The following GABRG3 variants were observed in gnomAD, a reference collection of about 807,000 sequenced individuals.
GABRG3 encodes the protein gamma-aminobutyric acid type A receptor subunit gamma3, also known as gamma-aminobutyric acid receptor subunit gamma-3.
In GABRG3, 25 loss-of-function variants were observed where a neutral mutation model predicts 48.8. That is an observed-to-expected ratio of 0.51 (90% CI 0.37 to 0.72). The LOEUF (loss-of-function observed/expected upper bound fraction) is 0.72. GABRG3 is among the 30% of genes least tolerant of loss of function. The pLI is 0.00. For synonymous variants in GABRG3, 227 were observed against 217.6 expected (o/e 1.04, Z -0.38); for missense variants, 394 against 577.9 (o/e 0.68, Z 3.26).
At chr15:27,383,418 A>G (rs1895835284) in intron 5 of GABRG3, among the ~76,000 whole-genome samples, 1 of 152,186 alleles carries the variant, frequency 6.6e-6, no homozygotes, top group African/African-American at 2.4e-5. Context: ...AGGAGACTGC[A>G]CGTCTAGGCT....
At chr15:27,335,516 C>A (rs921885974) in intron 5 of GABRG3, among the ~76,000 whole-genome samples, 1 of 152,148 alleles carries the variant, frequency 6.6e-6, no homozygotes, top group Non-Finnish European at 1.5e-5. Flanking sequence ...ACATGCTATA[C>A]CACGGATGTT....
intron 3 of GABRG3, among the ~76,000 whole-genome samples, chr15:27,098,084 A>C (rs991954449): frequency 2.0e-5 from 3 of 152,128 alleles, no homozygotes; most frequent in African/African-American, 7.2e-5. Context: ...TAGTATTTTA[A>C]ATTTTTGTTA....
chr15:27,522,863 A>G (rs1458265094), intron 7 of GABRG3, among the ~76,000 whole-genome samples: 15 of 151,950 alleles, frequency 9.9e-5, no homozygotes, highest in Admixed American at 9.8e-4. Context: ...TTTGATATTT[A>G]AATATACTTC....
At chr15:27,373,159 G>A (rs1405765520) in intron 5 of GABRG3, among the ~76,000 whole-genome samples, 2 of 152,130 alleles carry the variant, frequency 1.3e-5, no homozygotes, top group African/African-American at 4.8e-5. Context: ...AGGAAAAGGT[G>A]CCTAATCTTT....
chr15:27,036,518 C>T (rs11263698), intron 3 of GABRG3, among the ~76,000 whole-genome samples: 17,296 of 152,080 alleles, frequency 0.11, 1,522 homozygotes, highest in East Asian at 0.4. Flanking sequence ...GGTGAAATAC[C>T]GTCTCTACTA....
intron 5 of GABRG3, among the ~76,000 whole-genome samples, chr15:27,412,955 A>C (rs543883186): frequency 2.0e-4 from 30 of 152,328 alleles, no homozygotes; most frequent in African/African-American, 6.7e-4. Flanking sequence ...GTAAAGTAAC[A>C]GTTTTCTTTG....
intron 2 of GABRG3, among the ~76,000 whole-genome samples, chr15:27,008,587 G>A (rs1895629569): frequency 6.6e-6 from 1 of 151,842 alleles, no homozygotes; most frequent in African/African-American, 2.4e-5. Context: ...TAATCTGGCT[G>A]TTTTCTTAAA....
intron 3 of GABRG3, among the ~76,000 whole-genome samples, chr15:27,280,071 G>A (rs1595634018): frequency 6.6e-6 from 1 of 151,796 alleles, no homozygotes; most frequent in South Asian, 2.1e-4. Context: ...GGTAGAACTA[G>A]TGATTTTTTT....
intron 3 of GABRG3, among the ~76,000 whole-genome samples, chr15:27,260,388 A>C (rs1322325352): frequency 6.6e-6 from 1 of 152,210 alleles, no homozygotes; most frequent in Admixed American, 6.5e-5. Flanking sequence ...ATCTCTAAAC[A>C]CAGTCACATG....
At chr15:27,509,316 T>C (rs1187710635) in intron 6 of GABRG3, among the ~76,000 whole-genome samples, 1 of 149,478 alleles carries the variant, frequency 6.7e-6, no homozygotes, top group Admixed American at 6.7e-5. Context: ...TATATGTAGT[T>C]GGGGGGTTTG....
At chr15:27,034,957 G>A (rs941451736) in intron 3 of GABRG3, among the ~76,000 whole-genome samples, 3 of 152,168 alleles carry the variant, frequency 2.0e-5, no homozygotes, top group African/African-American at 7.2e-5. Context: ...GGCTTCTGTT[G>A]TTTTGAGGAT....
At chr15:27,358,059 G>C (rs796665871) in intron 5 of GABRG3, among the ~76,000 whole-genome samples, 15 of 152,306 alleles carry the variant, frequency 9.8e-5, no homozygotes, top group African/African-American at 3.1e-4. Flanking sequence ...AATTGTGTTA[G>C]AAAAGTATTT....
intron 5 of GABRG3, among the ~76,000 whole-genome samples, chr15:27,435,642 T>C (rs1288717333): frequency 6.6e-6 from 1 of 152,192 alleles, no homozygotes; most frequent in Non-Finnish European, 1.5e-5. Context: ...AAAATATTTA[T>C]GCTAGTCTCT....
intron 5 of GABRG3, among the ~76,000 whole-genome samples, chr15:27,440,227 T>A (rs1277801331): frequency 1.3e-5 from 2 of 152,196 alleles, no homozygotes; most frequent in African/African-American, 2.4e-5. Flanking sequence ...CCATGAAAGA[T>A]CTTTCCGCGT....
At chr15:27,521,902 T>C (rs923615715) in intron 7 of GABRG3, among the ~76,000 whole-genome samples, 9 of 152,144 alleles carry the variant, frequency 5.9e-5, no homozygotes, top group African/African-American at 2.2e-4. Flanking sequence ...TAACTGACTA[T>C]AACTGAGGTG....
intron 2 of GABRG3, among the ~76,000 whole-genome samples, chr15:27,023,965 T>C (rs1895941881): frequency 6.6e-6 from 1 of 152,220 alleles, no homozygotes. Context: ...TGGCACTTGT[T>C]ATTTTCTGTT....
chr15:27,007,426 A>G (rs1316121580), intron 2 of GABRG3, among the ~76,000 whole-genome samples: 1 of 152,190 alleles, frequency 6.6e-6, no homozygotes, highest in African/African-American at 2.4e-5. Context: ...CTTTGGTTAT[A>G]TACCCAATAA....
At chr15:27,101,301 G>C (rs555317323) in intron 3 of GABRG3, among the ~76,000 whole-genome samples, 3 of 152,220 alleles carry the variant, frequency 2.0e-5, no homozygotes, top group African/African-American at 7.2e-5. Flanking sequence ...GCAAATGAAA[G>C]AAAGCAGAGA....
intron 5 of GABRG3, among the ~76,000 whole-genome samples, chr15:27,435,014 C>T (rs1888567250): frequency 6.6e-6 from 1 of 152,066 alleles, no homozygotes; most frequent in South Asian, 2.1e-4. Context: ...GCCAAGCTCT[C>T]TCTGTGCCAG....
Sources: gnomAD v4.1 joint callset for allele counts (sites outside exome capture counted in the v4.1 genomes callset) on GRCh38, gnomAD v4.1.1 for gene constraint, MANE v1.5 for transcripts, NCBI Gene and HGNC (gene_info 2026-07-23, HGNC 2026-07-21) for gene names.